Variants in NAV3 observed in about 807,000 individuals in gnomAD.
The protein encoded by NAV3 is pore membrane and/or filament interacting like protein 1.
Under a neutral mutation model 244.7 loss-of-function variants are expected in NAV3, and 87 were observed. The observed-to-expected ratio is 0.36, with a 90% confidence interval of 0.30 to 0.42. The LOEUF is 0.42. NAV3 is among the 20% of genes least tolerant of loss of function. The pLI is 1.00. For synonymous variants in NAV3, 1,126 were observed against 1,042.2 expected (o/e 1.08, Z -1.55); for missense variants, 2,663 against 2,893.3 (o/e 0.92, Z 1.83).
At chr12:77,881,352 C>T (rs549419902) in intron 1 of NAV3, among the ~76,000 whole-genome samples, 3 of 152,180 alleles carry the variant, frequency 2.0e-5, no homozygotes, top group African/African-American at 4.8e-5. Context: ...TGCAAATGGC[C>T]AGTAGCTCAG....
At chr12:78,173,743 T>TAA (rs58966039) in intron 24 of NAV3, among the ~76,000 whole-genome samples, 7 of 143,568 alleles carry the variant, frequency 4.9e-5, no homozygotes, top group South Asian at 2.2e-4. Context: ...CTAGGGATTA[T>TAA]AAAAAAAAAA....
intron 2 of NAV3, among the ~76,000 whole-genome samples, chr12:77,747,241 G>T (rs1233128297): frequency 6.6e-6 from 1 of 152,110 alleles, no homozygotes; most frequent in South Asian, 2.1e-4. Flanking sequence ...CTTCTTTTGA[G>T]AAGTGTCTGT....
intron 1 of NAV3, among the ~76,000 whole-genome samples, chr12:77,924,810 A>C (rs1294749081): frequency 6.6e-6 from 1 of 152,110 alleles, no homozygotes; most frequent in Non-Finnish European, 1.5e-5. Context: ...TTAAATGTAA[A>C]TCATGAGTAA....
At chr12:77,923,173 A>C (rs1198598893) in intron 1 of NAV3, among the ~76,000 whole-genome samples, 1 of 152,098 alleles carries the variant, frequency 6.6e-6, no homozygotes, top group Non-Finnish European at 1.5e-5. Context: ...ATCAGTTCAC[A>C]TAAAAAGAGA....
intron 1 of NAV3, among the ~76,000 whole-genome samples, chr12:77,905,008 C>A (rs1484454390): frequency 6.6e-6 from 1 of 151,842 alleles, no homozygotes; most frequent in African/African-American, 2.4e-5. Context: ...ATGCAGAAAT[C>A]AGTTATTCTC....
rs546509493 is a variant in NAV3 at position 78,177,529 on chromosome 12, T to C, written c.5298-91T>C. On this transcript the variant is annotated intron_variant, in intron 27 of 39. Transcript: ENST00000397909. ...TCATATGTTAGAATTCAAGTGTTTC[T>C]TGATCTCATTCTCCAGTTTTCTGAA... 6 of 1,284,196 alleles carry C rather than the reference T, an allele frequency of 4.7e-6. No individual in the cohort carries two copies. In the East Asian group the frequency reaches 1.4e-4, roughly 30 times the overall value. The allele number at this position is 1,284,196 out of a possible 1,614,324, so 79.6% of individuals were successfully genotyped here.
chr12:77,917,287 G>A (rs1345972058), intron 1 of NAV3, among the ~76,000 whole-genome samples: 1 of 151,884 alleles, frequency 6.6e-6, no homozygotes, highest in Non-Finnish European at 1.5e-5. Flanking sequence ...AGATTATAAA[G>A]GTATGAATTA....
chr12:78,191,488 T>C (rs1279866789), intron 34 of NAV3, among the ~76,000 whole-genome samples: 1 of 152,110 alleles, frequency 6.6e-6, no homozygotes, highest in Admixed American at 6.6e-5. Context: ...CAAAACCGTT[T>C]TATATGTGTC....
At chr12:78,189,525 G>T (rs533741322) in intron 33 of NAV3, among the ~76,000 whole-genome samples, 2 of 151,050 alleles carry the variant, frequency 1.3e-5, no homozygotes, top group African/African-American at 4.8e-5. Context: ...AGGAGATGGG[G>T]TGAAGAGAAA....
chr12:77,885,984 C>A (rs1296897091), intron 1 of NAV3, among the ~76,000 whole-genome samples: 1 of 152,088 alleles, frequency 6.6e-6, no homozygotes, highest in Non-Finnish European at 1.5e-5. Flanking sequence ...TTAAGCCAAA[C>A]AACAAATCTT....
chr12:77,659,756 T>C (rs1287703526), intron 2 of NAV3, among the ~76,000 whole-genome samples: 1 of 152,150 alleles, frequency 6.6e-6, no homozygotes, highest in African/African-American at 2.4e-5. Context: ...GTGGCACATA[T>C]ACACCATGGA....
At chr12:78,065,783 T>C (rs79186426) in intron 12 of NAV3, among the ~76,000 whole-genome samples, 1,560 of 152,156 alleles carry the variant, frequency 0.01, 25 homozygotes, top group African/African-American at 0.035. Context: ...AAAGATCAGA[T>C]AGAAGTCAAC....
At chr12:78,142,745 A>G (rs933997783) in intron 20 of NAV3, among the ~76,000 whole-genome samples, 9 of 131,948 alleles carry the variant, frequency 6.8e-5, no homozygotes, top group African/African-American at 2.2e-4. Context: ...GTGTATATAT[A>G]TATTTATAGG....
intron 2 of NAV3, among the ~76,000 whole-genome samples, chr12:77,650,357 G>A (rs1021476009): frequency 6.6e-6 from 1 of 152,136 alleles, no homozygotes; most frequent in Non-Finnish European, 1.5e-5. Flanking sequence ...CTAAAGATCA[G>A]TATTTAAGCC....
intron 1 of NAV3, among the ~76,000 whole-genome samples, chr12:77,834,476 A>G (rs536933035): frequency 1.3e-5 from 2 of 152,380 alleles, no homozygotes; most frequent in African/African-American, 4.8e-5. Flanking sequence ...TAATTAAAAG[A>G]AATGCCATAA....
At chr12:78,145,101 G>A in intron 20 of NAV3, 1 of 300,520 alleles carries the variant, frequency 3.3e-6, no homozygotes, top group East Asian at 1.2e-4. Context: ...AAACCAAACT[G>A]TGTATAAAAC....
rs1051804350 is a variant in NAV3, at chr12:77,859,979, A to G, written c.243+28275A>G. Among the ~76,000 whole-genome samples, 7 of 151,996 alleles carry G rather than the reference A, an allele frequency of 4.6e-5. No individual in the cohort carries two copies. In the South Asian group the frequency reaches 1.2e-3, roughly 27 times the overall value. On this transcript the variant is annotated intron_variant, in intron 1 of 39. Transcript: ENST00000397909. ...GTTGCATCAACTTCTGGTAGTAAGT[A>G]AAGCACAATTAAAATATTTCCCTGT...
intron 2 of NAV3, among the ~76,000 whole-genome samples, chr12:77,695,236 T>C (rs1592591429): frequency 6.6e-6 from 1 of 152,176 alleles, no homozygotes; most frequent in Non-Finnish European, 1.5e-5. Flanking sequence ...CCGACCAATG[T>C]CATGGAGGTT....
intron 5 of NAV3, among the ~76,000 whole-genome samples, chr12:77,989,701 A>G (rs1265115813): frequency 1.3e-5 from 2 of 152,222 alleles, no homozygotes; most frequent in Admixed American, 6.5e-5. Context: ...AATAACATTT[A>G]TTCTCTATAC....
Sources: allele counts gnomAD v4.1 joint callset (sites outside exome capture counted in the v4.1 genomes callset), GRCh38; gene constraint gnomAD v4.1.1; transcripts MANE v1.5; gene names NCBI Gene and HGNC (gene_info 2026-07-23, HGNC 2026-07-21).